The following MAP3K4 variants were observed in gnomAD, a reference collection of about 807,000 sequenced individuals.
The protein encoded by MAP3K4 is mitogen-activated protein kinase kinase kinase 4, also known as MAP three kinase 1.
In MAP3K4, 67 loss-of-function variants were observed where a neutral mutation model predicts 185.6. The ratio of observed to expected loss-of-function variants is 0.36; its 90% CI spans 0.30 to 0.44. MAP3K4 has a LOEUF of 0.44. MAP3K4 is among the 20% of genes least tolerant of loss of function. The pLI, the probability that MAP3K4 is intolerant of heterozygous loss-of-function variation, is 1.00. For synonymous variants in MAP3K4, 702 were observed against 710.4 expected, an observed-to-expected ratio of 0.99 and a Z score of 0.19; for missense variants, 1,551 against 1,995.1, an observed-to-expected ratio of 0.78 and a Z score of 4.24.
chr6:160,994,323 A>T (rs566655561), intron 1 of MAP3K4, among the ~76,000 whole-genome samples: 1 of 152,100 alleles, frequency 6.6e-6, no homozygotes, highest in Non-Finnish European at 1.5e-5. Context: ...TTCAAAGTCC[A>T]TTATATCATT....
intron 1 of MAP3K4, among the ~76,000 whole-genome samples, chr6:161,026,419 G>A (rs183340533): frequency 7.5e-4 from 114 of 152,238 alleles, no homozygotes; most frequent in African/African-American, 2.7e-3. Context: ...ACAGGCATGA[G>A]CCACCGTGCC....
Position 161,034,888 on chromosome 6 carries a change from G to T in MAP3K4, c.343+439G>T, listed in dbSNP as rs917683576. Reference sequence around the variant, plus strand: ...TCCCTCTGCTCTCTGCTGGTGCCCCGGGGTGCTATCTTTAGTGTGTAGGGC... The same window carrying T: ...TCCCTCTGCTCTCTGCTGGTGCCCCTGGGTGCTATCTTTAGTGTGTAGGGC... On this transcript the variant is annotated intron_variant, in intron 2 of 26. Coordinates refer to ENST00000392142, the MANE Select transcript of MAP3K4 (RefSeq NM_005922.4). This position sits in a 1 kb window ranked among gnomAD's most constrained non-coding sequence, Gnocchi z 4.4. 6.6e-6 allele frequency among the ~76,000 whole-genome samples: 1 copy of T among 152,078 alleles called. No homozygotes were observed. The highest frequency in any genetic ancestry group is 2.4e-5 in the African/African-American group (1 of 41,424).
At chr6:161,014,627 A>G (rs1781998767) in intron 1 of MAP3K4, among the ~76,000 whole-genome samples, 2 of 152,194 alleles carry the variant, frequency 1.3e-5, no homozygotes, top group South Asian at 4.1e-4. Context: ...TGAATTCTGG[A>G]CTACCAAAAA....
chr6:161,050,704 A>G (rs140775270), intron 3 of MAP3K4, among the ~76,000 whole-genome samples: 1 of 152,330 alleles, frequency 6.6e-6, no homozygotes, highest in East Asian at 1.9e-4. Flanking sequence ...GTAATACTAG[A>G]CAAGGGCATT....
At chr6:161,038,056 C>G (rs903680064) in intron 2 of MAP3K4, among the ~76,000 whole-genome samples, 5 of 151,988 alleles carry the variant, frequency 3.3e-5, no homozygotes, top group African/African-American at 1.2e-4. Flanking sequence ...TTTCTTCTGC[C>G]TTTCTCACGC....
intron 2 of MAP3K4, among the ~76,000 whole-genome samples, chr6:161,042,205 G>A (rs1783499486): frequency 6.6e-6 from 1 of 152,112 alleles, no homozygotes; most frequent in African/African-American, 2.4e-5. Context: ...GTGTATGTTT[G>A]AACAGTGGAG....
chr6:161,055,831 T>G (rs7356842), intron 3 of MAP3K4, among the ~76,000 whole-genome samples: 5,207 of 152,236 alleles, frequency 0.034, 199 homozygotes, highest in African/African-American at 0.096. Flanking sequence ...AGTTACTATT[T>G]TTTCCTTTCC....
chr6:161,007,834 A>G lies in MAP3K4; in HGVS notation c.152+15751A>G, dbSNP rs1011276296. ...TTGTAATATGCAGCATAAATTTTAT[A>G]TGTCACTAAGGAAAAACTGCAATGA... On this transcript the variant is annotated intron_variant, in intron 1 of 26. Transcript: ENST00000392142. This position sits in a 1 kb window ranked among gnomAD's most constrained non-coding sequence, Gnocchi z 4.5. Among the ~76,000 whole-genome samples, 3 of 152,218 alleles carry G rather than the reference A, an allele frequency of 2.0e-5. No homozygotes were observed. Among genetic ancestry groups the G allele is most frequent in the African/African-American group, 7.2e-5 (3 of 41,470 alleles).
At position 161,093,648 on chromosome 6, in the gene MAP3K4, C is replaced by G; in HGVS notation, c.3349-125C>G. 1.7e-6 allele frequency: 1 copy of G among 589,434 alleles called. No individual in the cohort carries two copies. The highest frequency in any genetic ancestry group is 2.3e-5 in the South Asian group (1 of 42,928). The allele number at this position is 589,434 out of a possible 1,614,324, so 36.5% of individuals were successfully genotyped here. ...GTGTTTATACCTATTTTCTTTTAAACTAACTGAAAATATTTTGGGTAGCAT... is the reference window on the plus strand; with the variant it reads ...GTGTTTATACCTATTTTCTTTTAAAGTAACTGAAAATATTTTGGGTAGCAT... On this transcript the variant is annotated intron_variant, in intron 14 of 26. Transcript: ENST00000392142. The surrounding 1 kb of genome is among the most constrained non-coding windows in gnomAD (Gnocchi z 5.2).
At chr6:160,998,919 C>T (rs1028281175) in intron 1 of MAP3K4, among the ~76,000 whole-genome samples, 3 of 152,194 alleles carry the variant, frequency 2.0e-5, no homozygotes, top group Non-Finnish European at 4.4e-5. Flanking sequence ...TAGCAGGCAA[C>T]ATGAAGTTTT....
intron 1 of MAP3K4, among the ~76,000 whole-genome samples, chr6:161,027,101 TA>T (rs1782711385): frequency 6.6e-6 from 1 of 152,212 alleles, no homozygotes; most frequent in South Asian, 2.1e-4. Context: ...TCCACTTACC[TA>T]CTTTTCCAAG....
At chr6:161,003,918 G>T (rs951376052) in intron 1 of MAP3K4, among the ~76,000 whole-genome samples, 1 of 108,494 alleles carries the variant, frequency 9.2e-6, no homozygotes, top group African/African-American at 2.9e-5. Context: ...AAATTAGATG[G>T]AATATCCACT....
chr6:161,081,067 C>A, intron 6 of MAP3K4, 29 bp downstream of exon 6: 1 of 1,607,500 alleles, frequency 6.2e-7, no homozygotes, highest in Non-Finnish European at 8.5e-7. Flanking sequence ...CTGAACGCGA[C>A]GCTCCCACCT....
At chr6:160,992,243 A>G (rs371625824) in intron 1 of MAP3K4, 160 bp downstream of exon 1, 2 of 1,013,836 alleles carry the variant, frequency 2.0e-6, no homozygotes, top group Non-Finnish European at 2.7e-6. Flanking sequence ...CCTGGGTCCC[A>G]GGGGACCGCG....
rs77391549 is a variant in MAP3K4, at chr6:161,039,159, G to A, written c.343+4710G>A. On this transcript the variant is annotated intron_variant, in intron 2 of 26. Coordinates refer to ENST00000392142, the MANE Select transcript of MAP3K4 (RefSeq NM_005922.4). ...CTGCTCAAGGCAGCGGTACCAGGTC[G>A]GGTTTGTAGGTTACTTTGGGAAGTT... Among the ~76,000 whole-genome samples the A allele has an allele frequency of 2.3e-3, 350 of 152,064 alleles. 2 individuals are homozygous for A. The highest frequency in any genetic ancestry group is 2.2e-3 in the Non-Finnish European group (151 of 68,000).
Position 161,005,524 on chromosome 6 carries a change from A to G in MAP3K4, c.152+13441A>G, listed in dbSNP as rs1371260617. ...TAATGAATACCCATTGATTAAGTCA[A>G]TTTAGTATCAGAAGTTTTAAATTAC... is the stretch of plus-strand genomic sequence containing the variant. On this transcript the variant is annotated intron_variant, in intron 1 of 26. Transcript: ENST00000392142. 5.9e-5 allele frequency among the ~76,000 whole-genome samples: 9 copies of G among 152,270 alleles called. 2 individuals carry two copies. The highest frequency in any genetic ancestry group is 5.2e-4 in the Admixed American group (8 of 15,292).
chr6:161,025,481 C>A (rs1424932568), intron 1 of MAP3K4, among the ~76,000 whole-genome samples: 2 of 152,168 alleles, frequency 1.3e-5, no homozygotes, highest in African/African-American at 4.8e-5. Context: ...TTTTATCCTC[C>A]CAGCAGTTGG....
intron 1 of MAP3K4, among the ~76,000 whole-genome samples, chr6:161,005,224 G>A (rs550789478): frequency 2.0e-5 from 3 of 150,226 alleles, no homozygotes; most frequent in Admixed American, 1.3e-4. Flanking sequence ...CTGCAGCCTC[G>A]ACCTCCTGGG....
chr6:160,992,204 A>C (rs1243565377), intron 1 of MAP3K4, 121 bp downstream of exon 1: 2 of 1,336,818 alleles, frequency 1.5e-6, no homozygotes, highest in Non-Finnish European at 1.9e-6. Flanking sequence ...CAGTCTCTGC[A>C]GGCTGGGGCG....
Sources: gnomAD v4.1 joint callset for allele counts (sites outside exome capture counted in the v4.1 genomes callset) on GRCh38, gnomAD v4.1.1 for gene constraint, Gnocchi (gnomAD v3.1) non-coding constraint, MANE v1.5 for transcripts, NCBI Gene and HGNC (gene_info 2026-07-23, HGNC 2026-07-21) for gene names.